TMOD1: variants seen among roughly 807,000 people sequenced by gnomAD.
TMOD1 encodes the protein tropomodulin-1.
TMOD1 carries 17 observed loss-of-function variants against 40.6 expected under a neutral mutation model. The ratio of observed to expected loss-of-function variants is 0.42; its 90% CI spans 0.29 to 0.63. The LOEUF (loss-of-function observed/expected upper bound fraction) is 0.63, where lower values mean the gene tolerates loss of function less well. TMOD1 is among the 20% of genes least tolerant of loss of function. The pLI is 0.22. For missense variants in TMOD1, 391 were observed against 447.6 expected (o/e 0.87, Z 1.14); for synonymous variants, 181 against 175.0 (o/e 1.03, Z -0.27).
intron 8 of TMOD1, among the ~76,000 whole-genome samples, chr9:97,576,033 G>T (rs574418986): frequency 1.3e-5 from 2 of 151,942 alleles, no homozygotes; most frequent in East Asian, 3.9e-4. Context: ...TTCGTAACAC[G>T]AAAAAACAGA....
intron 4 of TMOD1, among the ~76,000 whole-genome samples, chr9:97,560,339 G>T (rs1356268827): frequency 2.0e-5 from 3 of 152,146 alleles, no homozygotes; most frequent in African/African-American, 7.2e-5. Context: ...AGGAATCCAG[G>T]AAGACTCCCT....
chr9:97,562,665 G>A (rs1448959026), intron 4 of TMOD1, 67 bp from the exon 5 acceptor site: 2 of 1,214,242 alleles, frequency 1.6e-6, no homozygotes, highest in African/African-American at 3.2e-5. Flanking sequence ...GGGGTTTGGA[G>A]TGTGGGTCCC....
At chr9:97,555,310 A>T (rs746157976) in intron 4 of TMOD1, 35 of 1,093,964 alleles carry the variant, frequency 3.2e-5, no homozygotes, top group Non-Finnish European at 3.9e-5. Flanking sequence ...TTGGTGCGGC[A>T]TCTCCACATG....
At chr9:97,580,329 G>A (rs776394783) in intron 8 of TMOD1, among the ~76,000 whole-genome samples, 4 of 152,256 alleles carry the variant, frequency 2.6e-5, no homozygotes, top group Admixed American at 2.0e-4. Flanking sequence ...CAGAGGAGCC[G>A]AGTGCAGTGG....
rs750801634 is a variant in TMOD1 at position 97,564,028 on chromosome 9, G to T, written c.488-10G>T. The T allele has an allele frequency of 6.3e-7, 1 of 1,599,346 alleles. No individual in the cohort carries two copies. The highest frequency in any genetic ancestry group is 8.5e-7 in the Non-Finnish European group (1 of 1,174,736). ...TCTGTGAGCCACCTCCCTTTCATCG[G>T]TCACTCTAGGCGTGATTAAACCCAC... On this transcript the variant is annotated splice_polypyrimidine_tract_variant and intron_variant, in intron 5 of 9. Transcript: ENST00000259365.
intron 2 of TMOD1, among the ~76,000 whole-genome samples, chr9:97,545,157 C>T (rs557527999): frequency 1.8e-4 from 27 of 152,324 alleles, no homozygotes; most frequent in African/African-American, 6.3e-4. Context: ...GAGCACACAA[C>T]GATTAGAAAT....
chr9:97,568,786 T>A (rs1404458643), intron 7 of TMOD1, 108 bp from the exon 8 acceptor site: 1 of 1,317,806 alleles, frequency 7.6e-7, no homozygotes, highest in East Asian at 2.3e-5. Flanking sequence ...AAGGACATGG[T>A]GGAGATCATC....
chr9:97,581,500 G>A (rs1232899479), intron 8 of TMOD1, among the ~76,000 whole-genome samples: 3 of 152,144 alleles, frequency 2.0e-5, no homozygotes, highest in African/African-American at 7.2e-5. Flanking sequence ...AGTCCTTTGG[G>A]TATATACCCA....
chr9:97,507,939 T>C (rs997242251), intron 1 of TMOD1, among the ~76,000 whole-genome samples: 3 of 152,116 alleles, frequency 2.0e-5, no homozygotes, highest in Admixed American at 2.0e-4. Flanking sequence ...TCCGGATCAG[T>C]CTGCACAAGG....
chr9:97,574,884 C>T (rs1296888355), intron 8 of TMOD1, among the ~76,000 whole-genome samples: 1 of 152,176 alleles, frequency 6.6e-6, no homozygotes, highest in Non-Finnish European at 1.5e-5. Context: ...TTGTGTCTAG[C>T]TCAGGGATTG....
intron 9 of TMOD1, among the ~76,000 whole-genome samples, chr9:97,597,821 G>A (rs909780729): frequency 1.3e-5 from 2 of 152,054 alleles, no homozygotes; most frequent in Admixed American, 1.3e-4. Context: ...AAGCCATAGG[G>A]TCCTTTCTGT....
chr9:97,518,521 C>T (rs1016267771), intron 1 of TMOD1, among the ~76,000 whole-genome samples: 1 of 152,252 alleles, frequency 6.6e-6, no homozygotes, highest in African/African-American at 2.4e-5. Context: ...CTAAGAACTC[C>T]TCTTTTACCC....
Position 97,585,486 on chromosome 9 carries a change from G to A in TMOD1, c.871-5805G>A, listed in dbSNP as rs1250716062. On this transcript the variant is annotated intron_variant, in intron 8 of 9. Coordinates refer to ENST00000259365, the MANE Select transcript of TMOD1 (RefSeq NM_003275.4). Reference sequence around the variant, plus strand: ...GTGAATCTGACAATTATGTGTCTTGGAGTTGCTCTTCTCGAGGAGTATCTT... The same window carrying A: ...GTGAATCTGACAATTATGTGTCTTGAAGTTGCTCTTCTCGAGGAGTATCTT... Among the ~76,000 whole-genome samples, 249 of 149,226 alleles carry A rather than the reference G, an allele frequency of 1.7e-3. 1 individual carries two copies. The highest frequency in any genetic ancestry group is 5.4e-3 in the African/African-American group (220 of 40,796).
chr9:97,530,446 C>G lies in TMOD1; in HGVS notation c.120+6138C>G, dbSNP rs542489228. On this transcript the variant is annotated intron_variant, in intron 2 of 9. Transcript: ENST00000259365. ...ACAATAATGGAAAACAACAGACCCT[C>G]TGCAAAGCCTGAATAATAATAACGA... Among the ~76,000 whole-genome samples, 8 of 151,488 alleles carry G rather than the reference C, an allele frequency of 5.3e-5. 1 individual carries two copies. In the East Asian group the frequency reaches 1.4e-3, roughly 26 times the overall value.
chr9:97,512,752 T>C (rs1055743131), intron 1 of TMOD1: 1 of 150,970 alleles, frequency 6.6e-6, no homozygotes, highest in Non-Finnish European at 1.5e-5. Context: ...AATAGTACTA[T>C]AAATATATTA....
At chr9:97,574,666 T>C (rs113571262) in intron 8 of TMOD1, among the ~76,000 whole-genome samples, 1 of 152,164 alleles carries the variant, frequency 6.6e-6, no homozygotes, top group Non-Finnish European at 1.5e-5. Context: ...GGAGAATCTT[T>C]ATGTCTGGCT....
chr9:97,501,629 C>G (rs1212276558), upstream of TMOD1: 1 of 149,124 alleles, frequency 6.7e-6, no homozygotes, highest in African/African-American at 2.4e-5. Flanking sequence ...GCTCCCACCC[C>G]CGAGCCCACA....
intron 2 of TMOD1, among the ~76,000 whole-genome samples, chr9:97,527,326 G>A (rs1257762472): frequency 1.3e-5 from 2 of 152,244 alleles, no homozygotes; most frequent in Non-Finnish European, 2.9e-5. Context: ...ACTGTGCTGG[G>A]CACCAACAGG....
At chr9:97,577,751 C>G (rs1449320990) in intron 8 of TMOD1, among the ~76,000 whole-genome samples, 1 of 152,046 alleles carries the variant, frequency 6.6e-6, no homozygotes, top group Non-Finnish European at 1.5e-5. Context: ...GTCTGGGCGA[C>G]AGAACAAGAC....
Sources: gnomAD v4.1 joint callset for allele counts (sites outside exome capture counted in the v4.1 genomes callset) on GRCh38, gnomAD v4.1.1 for gene constraint, MANE v1.5 for transcripts, NCBI Gene and HGNC (gene_info 2026-07-23, HGNC 2026-07-21) for gene names.